The following DLG2 variants were observed in gnomAD, a reference collection of about 807,000 sequenced individuals.
The protein encoded by DLG2 is disks large homolog 2.
A neutral mutation model predicts 132.5 loss-of-function variants in DLG2; 45 were observed. The observed-to-expected ratio is 0.34, with a 90% CI of 0.27 to 0.44. DLG2 has a LOEUF of 0.44. DLG2 is among the 20% of genes least tolerant of loss of function. The probability of loss-of-function intolerance (pLI) is 1.00; values close to 1 mark genes in which losing one functional copy is unlikely to be tolerated. For missense variants in DLG2, 1,045 were observed against 1,196.9 expected (o/e 0.87, Z 1.87); for synonymous variants, 424 against 419.6 (o/e 1.01, Z -0.13).
At chr11:84,810,229 G>A (rs954584189) in intron 6 of DLG2, among the ~76,000 whole-genome samples, 2 of 152,058 alleles carry the variant, frequency 1.3e-5, no homozygotes, top group African/African-American at 4.8e-5. Context: ...AAGATTTGGT[G>A]TTGAGAATAT....
chr11:83,844,794 C>T (rs943731388), intron 16 of DLG2, among the ~76,000 whole-genome samples: 3 of 151,936 alleles, frequency 2.0e-5, no homozygotes, highest in Non-Finnish European at 2.9e-5. Flanking sequence ...GTAGGGGTAA[C>T]GTATGAGATG....
At chr11:84,779,097 C>A (rs1344743588) in intron 6 of DLG2, among the ~76,000 whole-genome samples, 1 of 152,028 alleles carries the variant, frequency 6.6e-6, no homozygotes, top group East Asian at 1.9e-4. Flanking sequence ...GGCTTCCTTG[C>A]CCCTCAACTT....
chr11:84,028,069 A>AC (rs2095589795), intron 11 of DLG2, among the ~76,000 whole-genome samples: 1 of 151,966 alleles, frequency 6.6e-6, no homozygotes, highest in Non-Finnish European at 1.5e-5. Context: ...AAAAAAAACA[A>AC]AACACCTATC....
intron 11 of DLG2, among the ~76,000 whole-genome samples, chr11:84,055,215 C>T (rs2096477287): frequency 6.6e-6 from 1 of 151,918 alleles, no homozygotes; most frequent in South Asian, 2.1e-4. Flanking sequence ...AAAACTGAAC[C>T]TCATCCTTGA....
At chr11:84,159,318 T>C (rs1302791020) in intron 9 of DLG2, among the ~76,000 whole-genome samples, 2 of 152,084 alleles carry the variant, frequency 1.3e-5, no homozygotes, top group Admixed American at 1.3e-4. Context: ...AATTAAGTAA[T>C]AATAAAATGG....
chr11:83,640,266 C>T (rs1158217310), intron 18 of DLG2, among the ~76,000 whole-genome samples: 1 of 152,148 alleles, frequency 6.6e-6, no homozygotes, highest in Non-Finnish European at 1.5e-5. Flanking sequence ...GAACTAGAAG[C>T]TCTTGGTGTC....
chr11:83,624,151 G>C (rs1047914758), intron 19 of DLG2, among the ~76,000 whole-genome samples: 2 of 152,170 alleles, frequency 1.3e-5, no homozygotes, highest in Non-Finnish European at 2.9e-5. Flanking sequence ...GTAGAGGTCT[G>C]TGGCTCAGAA....
intron 8 of DLG2, among the ~76,000 whole-genome samples, chr11:84,205,033 T>C (rs2096647707): frequency 6.6e-6 from 1 of 152,068 alleles, no homozygotes; most frequent in South Asian, 2.1e-4. Flanking sequence ...TTAAAAAACA[T>C]AGATAGAAAT....
chr11:85,389,485 T>A (rs1321260146), intron 3 of DLG2, among the ~76,000 whole-genome samples: 3 of 152,052 alleles, frequency 2.0e-5, no homozygotes, highest in Non-Finnish European at 1.5e-5. Flanking sequence ...GATCTAGACA[T>A]TCAAATACAA....
At chr11:84,870,592 G>C (rs1415989572) in intron 6 of DLG2, among the ~76,000 whole-genome samples, 1 of 152,180 alleles carries the variant, frequency 6.6e-6, no homozygotes, top group African/African-American at 2.4e-5. Flanking sequence ...CGCAATAGCT[G>C]TTGACAATGA....
At chr11:84,751,170 C>G (rs1010823081) in intron 6 of DLG2, among the ~76,000 whole-genome samples, 1 of 152,068 alleles carries the variant, frequency 6.6e-6, no homozygotes, top group African/African-American at 2.4e-5. Flanking sequence ...AATATACAGA[C>G]TTAAAGTTCC....
chr11:85,498,634 T>C (rs997978671), intron 3 of DLG2, among the ~76,000 whole-genome samples: 4 of 152,186 alleles, frequency 2.6e-5, no homozygotes, highest in African/African-American at 9.7e-5. Flanking sequence ...TACATTCTTC[T>C]CAGCACCACA....
At chr11:83,785,501 C>T (rs116357577) in intron 18 of DLG2, among the ~76,000 whole-genome samples, 2,180 of 152,366 alleles carry the variant, frequency 0.014, 58 homozygotes, top group African/African-American at 0.049. Context: ...CAAATCTCCT[C>T]TTTCCCACTC....
chr11:85,108,568 A>G (rs1307817749), intron 6 of DLG2, among the ~76,000 whole-genome samples: 2 of 151,968 alleles, frequency 1.3e-5, no homozygotes, highest in Admixed American at 1.3e-4. Flanking sequence ...TTTATTCTAT[A>G]AGATGAATTA....
intron 6 of DLG2, among the ~76,000 whole-genome samples, chr11:84,745,303 A>G (rs1284987747): frequency 1.3e-5 from 2 of 152,192 alleles, no homozygotes; most frequent in Non-Finnish European, 2.9e-5. Context: ...GTTTAGCACC[A>G]TTCTGTTAGT....
At chr11:85,433,410 C>A (rs975905400) in intron 3 of DLG2, among the ~76,000 whole-genome samples, 15 of 152,134 alleles carry the variant, frequency 9.9e-5, no homozygotes, top group African/African-American at 3.6e-4. Context: ...GTTCTGTATT[C>A]AAGAGACCCA....
intron 6 of DLG2, among the ~76,000 whole-genome samples, chr11:84,880,878 TAAATC>T (rs1318225040): frequency 1.3e-5 from 2 of 152,142 alleles, no homozygotes; most frequent in Non-Finnish European, 2.9e-5. Flanking sequence ...ATTAAGGAAA[TAAATC>T]ATTCATTTAT....
chr11:83,651,357 T>C (rs2070342589), intron 18 of DLG2, among the ~76,000 whole-genome samples: 1 of 152,174 alleles, frequency 6.6e-6, no homozygotes, highest in Non-Finnish European at 1.5e-5. Context: ...ATTGTGAAGA[T>C]AAATAAGATG....
chr11:84,986,665 T>G (rs2056525201), intron 6 of DLG2, among the ~76,000 whole-genome samples: 1 of 152,150 alleles, frequency 6.6e-6, no homozygotes, highest in Admixed American at 6.5e-5. Flanking sequence ...AAAAATCACA[T>G]GATCATCTCA....
Sources: allele counts gnomAD v4.1 joint callset (sites outside exome capture counted in the v4.1 genomes callset), GRCh38; gene constraint gnomAD v4.1.1; transcripts MANE v1.5; gene names NCBI Gene and HGNC (gene_info 2026-07-23, HGNC 2026-07-21).